Variants in RNLS observed in about 807,000 individuals in gnomAD.
The protein encoded by RNLS is renalase, FAD dependent amine oxidase.
In RNLS, 39 loss-of-function variants were observed where a neutral mutation model predicts 39.8. The ratio of observed to expected loss-of-function variants is 0.98; its 90% CI spans 0.76 to 1.28. The LOEUF (loss-of-function observed/expected upper bound fraction) is 1.28. Among genes scored for constraint, RNLS ranks in the 50% most tolerant of loss-of-function variants. The pLI is 0.00. For missense variants in RNLS, 410 were observed against 413.3 expected (o/e 0.99, Z 0.07); for synonymous variants, 147 against 150.7 (o/e 0.98, Z 0.18).
At chr10:88,426,320 A>T (rs952964260) in intron 4 of RNLS, among the ~76,000 whole-genome samples, 6 of 152,092 alleles carry the variant, frequency 3.9e-5, no homozygotes, top group African/African-American at 1.2e-4. Context: ...TGGGAAACAC[A>T]GAATAGAGGC....
chr10:88,251,137 T>C, the RNLS span, among the ~76,000 whole-genome samples: 2 of 152,238 alleles, frequency 1.3e-5, no homozygotes, highest in East Asian at 3.8e-4. Flanking sequence ...CCTCCATGAC[T>C]GCTCAGCCCC....
At chr10:88,308,183 C>A (rs1389419062) in intron 6 of RNLS, among the ~76,000 whole-genome samples, 1 of 152,132 alleles carries the variant, frequency 6.6e-6, no homozygotes, top group African/African-American at 2.4e-5. Context: ...CCCTGGAAGA[C>A]AACCTAGGCA....
At position 88,330,070 on chromosome 10, in the gene RNLS, G is replaced by GATAT. The variant is rs59527333; in HGVS notation, c.701-15433_701-15430dup. On this transcript the variant is annotated intron_variant, in intron 5 of 6. Transcript: ENST00000331772. ...TTGCATGGTTTTCTGTCTGTTTTGA[G>GATAT]ATATATATATATATATATATAAATA... Among the ~76,000 whole-genome samples the GATAT allele has an allele frequency of 6.2e-3, 874 of 140,518 alleles. 8 individuals are homozygous for GATAT. Among genetic ancestry groups the GATAT allele is most frequent in the African/African-American group, 0.02 (781 of 38,212 alleles). 92.2% of individuals were successfully genotyped at this position (140,518 alleles called of 152,430 possible). A position where few individuals can be genotyped will look rare whatever the true frequency, so the allele number is the denominator to read the frequency against.
At chr10:88,468,279 T>A (rs976657158) in intron 4 of RNLS, among the ~76,000 whole-genome samples, 4 of 152,160 alleles carry the variant, frequency 2.6e-5, no homozygotes. Flanking sequence ...ATGACTAGCA[T>A]AACATGATCA....
At chr10:88,386,332 G>T (rs1024673162) in intron 4 of RNLS, among the ~76,000 whole-genome samples, 3 of 152,074 alleles carry the variant, frequency 2.0e-5, no homozygotes, top group Admixed American at 6.5e-5. Context: ...CGAGTTGAAG[G>T]AACATAACCA....
At chr10:88,319,283 A>C (rs1846000904) in intron 5 of RNLS, among the ~76,000 whole-genome samples, 1 of 152,208 alleles carries the variant, frequency 6.6e-6, no homozygotes, top group Admixed American at 6.5e-5. Flanking sequence ...TAAAAGTCCT[A>C]TCAAAAGGAC....
intron 5 of RNLS, among the ~76,000 whole-genome samples, chr10:88,350,643 C>T (rs996316159): frequency 6.6e-5 from 10 of 151,996 alleles, no homozygotes; most frequent in East Asian, 3.9e-4. Flanking sequence ...GTTGGACATT[C>T]GGGTTGGTTC....
intron 4 of RNLS, among the ~76,000 whole-genome samples, chr10:88,394,195 G>T (rs1852402267): frequency 6.6e-6 from 1 of 152,058 alleles, no homozygotes; most frequent in African/African-American, 2.4e-5. Flanking sequence ...TGACAAATAG[G>T]ATCTAATTAA....
At chr10:88,173,024 T>G in the RNLS span, among the ~76,000 whole-genome samples, 1 of 151,206 alleles carries the variant, frequency 6.6e-6, no homozygotes, top group Non-Finnish European at 1.5e-5. Flanking sequence ...GCCCAGCCAA[T>G]TTTTTGTATT....
the RNLS span, among the ~76,000 whole-genome samples, chr10:88,255,696 A>C: frequency 3.3e-5 from 5 of 152,324 alleles, no homozygotes; most frequent in African/African-American, 1.2e-4. Context: ...ATGTCTCTCC[A>C]TGTCTGTCTT....
At chr10:88,536,048 C>A (rs976767822) in intron 4 of RNLS, among the ~76,000 whole-genome samples, 1 of 152,106 alleles carries the variant, frequency 6.6e-6, no homozygotes, top group South Asian at 2.1e-4. Flanking sequence ...ACTTTCCAAT[C>A]AGACAGGCCT....
intron 4 of RNLS, among the ~76,000 whole-genome samples, chr10:88,443,216 T>G (rs182527865): frequency 6.6e-6 from 1 of 152,214 alleles, no homozygotes; most frequent in Non-Finnish European, 1.5e-5. Context: ...TGCAATCCAA[T>G]TTTTTACATT....
At chr10:88,517,785 T>C (rs1846492952) in intron 4 of RNLS, among the ~76,000 whole-genome samples, 1 of 151,918 alleles carries the variant, frequency 6.6e-6, no homozygotes, top group Non-Finnish European at 1.5e-5. Context: ...ACTGAATAAA[T>C]ATTTTTCCAC....
chr10:88,431,144 T>G (rs929369694), intron 4 of RNLS, among the ~76,000 whole-genome samples: 4 of 151,744 alleles, frequency 2.6e-5, no homozygotes, highest in African/African-American at 7.2e-5. Context: ...AAATTCAATT[T>G]CTTTAGTAGG....
chr10:88,580,371 T>C (rs2134496160), intron 3 of RNLS, among the ~76,000 whole-genome samples: 1 of 152,328 alleles, frequency 6.6e-6, no homozygotes, highest in Middle Eastern at 3.4e-3. Flanking sequence ...TATTCAATCT[T>C]ACTGACCTCT....
chr10:88,325,483 T>C (rs1252002145), intron 5 of RNLS, among the ~76,000 whole-genome samples: 1 of 152,090 alleles, frequency 6.6e-6, no homozygotes, highest in African/African-American at 2.4e-5. Context: ...AGCACTAAGA[T>C]TTAGAAGGCT....
At chr10:88,191,089 C>T in the RNLS span, among the ~76,000 whole-genome samples, 3 of 152,298 alleles carry the variant, frequency 2.0e-5, no homozygotes, top group Admixed American at 6.5e-5. Flanking sequence ...ACAGTGACAT[C>T]GAGGGGGCAG....
the RNLS span, among the ~76,000 whole-genome samples, chr10:88,264,641 G>A: frequency 6.6e-6 from 1 of 152,118 alleles, no homozygotes; most frequent in African/African-American, 2.4e-5. Flanking sequence ...CTTCTTTCAA[G>A]AATTGTCTAT....
intron 4 of RNLS, among the ~76,000 whole-genome samples, chr10:88,502,611 A>G (rs1025160431): frequency 1.9e-4 from 29 of 152,122 alleles, no homozygotes; most frequent in Non-Finnish European, 4.4e-5. Context: ...TTTATACATT[A>G]CCCACCCTCA....
Sources: gnomAD v4.1 joint callset for allele counts (sites outside exome capture counted in the v4.1 genomes callset) on GRCh38, gnomAD v4.1.1 for gene constraint, MANE v1.5 for transcripts, NCBI Gene and HGNC (gene_info 2026-07-23, HGNC 2026-07-21) for gene names.